Variants in SLC25A26 observed in about 807,000 individuals in gnomAD.
SLC25A26 encodes mitochondrial S-adenosylmethionine carrier protein.
A neutral mutation model predicts 37.8 loss-of-function variants in SLC25A26; 36 were observed. That is an observed-to-expected ratio of 0.95 (90% confidence interval 0.73 to 1.26). The LOEUF is 1.26. SLC25A26 is among the 50% of genes most tolerant of loss of function. The pLI is 0.00. For missense variants in SLC25A26, 390 were observed against 331.1 expected (o/e 1.18, Z -1.38); for synonymous variants, 129 against 122.5 (o/e 1.05, Z -0.35).
chr3:66,246,915 G>A (rs1043483331), intron 3 of SLC25A26, among the ~76,000 whole-genome samples: 1 of 152,162 alleles, frequency 6.6e-6, no homozygotes, highest in African/African-American at 2.4e-5. Context: ...ATGCTGGAGT[G>A]CAGTGGCGCG....
chr3:66,374,472 T>C lies in SLC25A26; in HGVS notation c.708-3218T>C, dbSNP rs559714290. On this transcript the variant is annotated intron_variant, in intron 9 of 9. Transcript: ENST00000354883. ...TGTGTCTCCAACCAGCCATTCCCTCTCTCTCTCCCTTAGGCCTCTATTCTG... is the reference window on the plus strand; with the variant it reads ...TGTGTCTCCAACCAGCCATTCCCTCCCTCTCTCCCTTAGGCCTCTATTCTG... 2.0e-5 allele frequency among the ~76,000 whole-genome samples: 3 copies of C among 152,340 alleles called. No homozygotes were observed. In the South Asian group the frequency reaches 6.2e-4, roughly 32 times the overall value.
chr3:66,266,543 C>T (rs940503646), intron 5 of SLC25A26, among the ~76,000 whole-genome samples: 58 of 139,374 alleles, frequency 4.2e-4, no homozygotes, highest in Admixed American at 5.9e-4. Flanking sequence ...AAGATAGATT[C>T]GGTGTTCTTT....
chr3:66,209,040 G>GTATGTGTATATA (rs1325838750), intron 1 of SLC25A26, among the ~76,000 whole-genome samples: 2 of 33,486 alleles, frequency 6.0e-5, no homozygotes, highest in South Asian at 1.4e-3. Flanking sequence ...ATATAAAGGT[G>GTATGTGTATATA]TATATATATA....
chr3:66,139,351 G>A (rs1043342533), intron 1 of SLC25A26, among the ~76,000 whole-genome samples: 3 of 152,134 alleles, frequency 2.0e-5, no homozygotes, highest in Non-Finnish European at 4.4e-5. Flanking sequence ...TTTCAAAATA[G>A]GTGTATGCTC....
chr3:66,134,829 AT>A (rs111679305), intron 1 of SLC25A26, among the ~76,000 whole-genome samples: 2,288 of 147,580 alleles, frequency 0.016, 18 homozygotes, highest in Non-Finnish European at 0.025. Flanking sequence ...TCTTTCCTTT[AT>A]TTTTTTTTTT....
intron 1 of SLC25A26, among the ~76,000 whole-genome samples, chr3:66,183,226 C>T (rs1046599956): frequency 6.6e-6 from 1 of 151,878 alleles, no homozygotes. Flanking sequence ...CCTGTTGAAC[C>T]ATAGCCTCAG....
Position 66,200,019 on chromosome 3 carries a change from G to T in SLC25A26, c.-353-20723G>T, listed in dbSNP as rs973789215. Among the ~76,000 whole-genome samples the T allele has an allele frequency of 1.1e-3, 166 of 152,278 alleles. 4 individuals are homozygous for T. Among genetic ancestry groups the T allele is most frequent in the African/African-American group, 3.7e-3 (152 of 41,528 alleles). On this transcript the variant is annotated intron_variant, in intron 1 of 10. Transcript: ENST00000676754. The stretch of plus-strand genomic sequence containing the variant: ...TATGAAAATAATTTTCAGAATTATG[G>T]ACATTTACCAACTTGCCTAAACTTT...
At chr3:66,373,014 T>G (rs1416869668) in intron 9 of SLC25A26, among the ~76,000 whole-genome samples, 1 of 152,202 alleles carries the variant, frequency 6.6e-6, no homozygotes, top group Non-Finnish European at 1.5e-5. Flanking sequence ...AAGACCTTGT[T>G]CTGGCGCATA....
intron 1 of SLC25A26, among the ~76,000 whole-genome samples, chr3:66,179,720 T>C (rs1176751429): frequency 6.6e-6 from 1 of 151,490 alleles, no homozygotes; most frequent in Non-Finnish European, 1.5e-5. Context: ...TTACTGGGCT[T>C]TTTTTTTTCT....
intron 2 of SLC25A26, among the ~76,000 whole-genome samples, chr3:66,237,215 A>G (rs2072336368): frequency 6.6e-6 from 1 of 152,214 alleles, no homozygotes; most frequent in Non-Finnish European, 1.5e-5. Context: ...AAAAAAAGCA[A>G]TCTTTTAAAA....
Position 66,173,461 on chromosome 3 carries a change from A to G in SLC25A26, c.-354+39477A>G, listed in dbSNP as rs533797833. Among the ~76,000 whole-genome samples the G allele has an allele frequency of 3.9e-5, 6 of 152,302 alleles. No homozygotes were observed. In the South Asian group the frequency reaches 1.0e-3, roughly 26 times the overall value. Reference sequence around the variant, plus strand: ...AATGCTGTTCTGCTAGCTTGGTGCCATCCAGGTTCATAAGCCGGGAGTGGA... The same window carrying G: ...AATGCTGTTCTGCTAGCTTGGTGCCGTCCAGGTTCATAAGCCGGGAGTGGA... On this transcript the variant is annotated intron_variant, in intron 1 of 10. Coordinates refer to the SLC25A26 transcript ENST00000676754.
chr3:66,337,530 T>C (rs1283298375), intron 5 of SLC25A26, among the ~76,000 whole-genome samples: 2 of 152,024 alleles, frequency 1.3e-5, no homozygotes, highest in African/African-American at 4.8e-5. Context: ...ATCTAAGATA[T>C]TGTTTAGGGG....
intron 3 of SLC25A26, among the ~76,000 whole-genome samples, chr3:66,258,281 T>C (rs2073384517): frequency 6.6e-6 from 1 of 152,076 alleles, no homozygotes; most frequent in African/African-American, 2.4e-5. Flanking sequence ...GATAGGGTGG[T>C]GCTGGAGGAC....
At chr3:66,154,997 CTT>C (rs1199733707) in intron 1 of SLC25A26, among the ~76,000 whole-genome samples, 1 of 152,198 alleles carries the variant, frequency 6.6e-6, no homozygotes, top group Non-Finnish European at 1.5e-5. Flanking sequence ...GCTTAGGTGT[CTT>C]TGTTTAGCCC....
intron 1 of SLC25A26, among the ~76,000 whole-genome samples, chr3:66,208,932 A>C (rs1442758026): frequency 9.7e-5 from 12 of 123,692 alleles, no homozygotes; most frequent in African/African-American, 3.0e-4. Flanking sequence ...ATATACATAC[A>C]CATATATATA....
chr3:66,257,822 C>G (rs1425368191), intron 3 of SLC25A26, among the ~76,000 whole-genome samples: 1 of 152,144 alleles, frequency 6.6e-6, no homozygotes, highest in African/African-American at 2.4e-5. Context: ...CCCTCAATCC[C>G]TTATGAATTG....
intron 1 of SLC25A26, among the ~76,000 whole-genome samples, chr3:66,139,050 A>G (rs1404446646): frequency 8.8e-6 from 1 of 113,748 alleles, no homozygotes; most frequent in Non-Finnish European, 1.8e-5. Context: ...TCCCCTCCCC[A>G]TCCTCTTTTC....
At chr3:66,371,194 T>C in intron 9 of SLC25A26, 1 of 1,479,746 alleles carries the variant, frequency 6.8e-7, no homozygotes, top group East Asian at 2.6e-5. Flanking sequence ...TGATGATTTT[T>C]CTCTTAGGGA....
chr3:66,374,675 A>G (rs1287449620), intron 9 of SLC25A26, among the ~76,000 whole-genome samples: 1 of 152,186 alleles, frequency 6.6e-6, no homozygotes, highest in East Asian at 1.9e-4. Context: ...CTTGAGCCCA[A>G]GAGTTCAAGA....
Sources: allele counts gnomAD v4.1 joint callset (sites outside exome capture counted in the v4.1 genomes callset), GRCh38; gene constraint gnomAD v4.1.1; transcripts MANE v1.5; gene names NCBI Gene and HGNC (gene_info 2026-07-23, HGNC 2026-07-21).